Variants in SLC25A13 observed in about 807,000 individuals in gnomAD.
SLC25A13 encodes solute carrier family 25 member 13, also known as electrogenic aspartate/glutamate antiporter SLC25A13, mitochondrial.
In SLC25A13, 70 loss-of-function variants were observed where a neutral mutation model predicts 85.5. The ratio of observed to expected loss-of-function variants is 0.82; its 90% CI spans 0.68 to 1.00. SLC25A13 has a LOEUF of 1.00. SLC25A13 is among the 50% of genes least tolerant of loss of function. SLC25A13 has a pLI of 0.00. For synonymous variants in SLC25A13, 259 were observed against 288.7 expected (o/e 0.90, Z 1.04); for missense variants, 765 against 819.8 (o/e 0.93, Z 0.82).
chr7:96,307,226 T>G (rs1226935487), intron 1 of SLC25A13, among the ~76,000 whole-genome samples: 1 of 152,184 alleles, frequency 6.6e-6, no homozygotes, highest in South Asian at 2.1e-4. Context: ...ATTTAAAAAA[T>G]TTTAAGACAA....
rs539479268 is a variant in SLC25A13, at chr7:96,216,544, T to C, written c.329-7567A>G. ...GTGGATAAAAAAAATGTGGTATATA[T>C]ACACCATGGAGTACTATGCAGCCAT... is the stretch of plus-strand genomic sequence containing the variant. On this transcript the variant is annotated intron_variant, in intron 4 of 17. Coordinates refer to ENST00000265631, the MANE Select transcript of SLC25A13 (RefSeq NM_014251.3). Among the ~76,000 whole-genome samples the C allele has an allele frequency of 3.2e-3, 486 of 152,256 alleles. 3 individuals carry two copies. Among genetic ancestry groups the C allele is most frequent in the African/African-American group, 0.011 (466 of 41,548 alleles).
chr7:96,303,355 G>A (rs4074930), intron 1 of SLC25A13, among the ~76,000 whole-genome samples: 3,291 of 152,082 alleles, frequency 0.022, 77 homozygotes, highest in African/African-American at 0.055. Context: ...GTGTGTGTGT[G>A]GGTGGGTGGG....
intron 3 of SLC25A13, among the ~76,000 whole-genome samples, chr7:96,258,654 G>T (rs1797731309): frequency 6.6e-6 from 1 of 152,090 alleles, no homozygotes; most frequent in South Asian, 2.1e-4. Context: ...GTAATTTATA[G>T]ATTCAATGCT....
At chr7:96,194,442 CAAAAAAAA>C (rs546248549) in intron 5 of SLC25A13, among the ~76,000 whole-genome samples, 11 of 27,696 alleles carry the variant, frequency 4.0e-4, no homozygotes, top group Non-Finnish European at 7.4e-4. Flanking sequence ...AACCTTGTCT[CAAAAAAAA>C]AAAAAAAAAA....
chr7:96,161,278 T>C (rs897905292), intron 13 of SLC25A13, among the ~76,000 whole-genome samples: 5 of 152,294 alleles, frequency 3.3e-5, no homozygotes, highest in Admixed American at 2.0e-4. Context: ...TGGAATACTT[T>C]CTTGTGAAAT....
intron 1 of SLC25A13, among the ~76,000 whole-genome samples, chr7:96,317,531 C>T (rs1800176690): frequency 6.6e-6 from 1 of 151,928 alleles, no homozygotes; most frequent in East Asian, 1.9e-4. Context: ...GCTCTCACCT[C>T]CCAGCCCTTC....
At chr7:96,161,881 T>C (rs1192418469) in intron 13 of SLC25A13, among the ~76,000 whole-genome samples, 4 of 152,172 alleles carry the variant, frequency 2.6e-5, no homozygotes, top group Admixed American at 6.5e-5. Context: ...TTGAAAACAA[T>C]ATAATCACTA....
intron 17 of SLC25A13, 90 bp downstream of exon 17, chr7:96,121,565 T>C: frequency 7.0e-7 from 1 of 1,436,044 alleles, no homozygotes; most frequent in Non-Finnish European, 9.8e-7. Context: ...TTCTATTTTA[T>C]TATAGAGACT....
chr7:96,276,174 C>T (rs73710267), intron 3 of SLC25A13, among the ~76,000 whole-genome samples: 2,056 of 152,282 alleles, frequency 0.014, 42 homozygotes, highest in African/African-American at 0.047. Context: ...AGGTCCTTTA[C>T]AGTTTACCTA....
intron 11 of SLC25A13, among the ~76,000 whole-genome samples, chr7:96,175,415 C>G (rs1279091052): frequency 2.6e-5 from 4 of 152,180 alleles, no homozygotes; most frequent in Non-Finnish European, 5.9e-5. Flanking sequence ...GGGGAGCACT[C>G]GCTATATCCA....
intron 15 of SLC25A13, among the ~76,000 whole-genome samples, chr7:96,123,444 C>CA (rs1283843173): frequency 1.3e-5 from 2 of 152,142 alleles, no homozygotes; most frequent in Admixed American, 6.5e-5. Context: ...CTGTGAAAGA[C>CA]ATACAAGCAA....
chr7:96,128,793 TAATAAAA>T (rs1404863872), intron 15 of SLC25A13, among the ~76,000 whole-genome samples: 1 of 141,794 alleles, frequency 7.1e-6, no homozygotes, highest in Non-Finnish European at 1.5e-5. Flanking sequence ...ATAATAATAA[TAATAAAA>T]GTCAATGCTC....
chr7:96,138,117 T>C (rs189788644), intron 14 of SLC25A13, among the ~76,000 whole-genome samples: 71 of 152,346 alleles, frequency 4.7e-4, no homozygotes, highest in Non-Finnish European at 9.6e-4. Flanking sequence ...CCCTTGTTCT[T>C]AAAAGCAATT....
At chr7:96,265,625 T>C (rs1436992254) in intron 3 of SLC25A13, among the ~76,000 whole-genome samples, 1 of 152,168 alleles carries the variant, frequency 6.6e-6, no homozygotes, top group Non-Finnish European at 1.5e-5. Flanking sequence ...AAATCAATGA[T>C]TTTGACTGCT....
chr7:96,283,819 T>TAAAA (rs1224658803), intron 2 of SLC25A13: 42 of 80,898 alleles, frequency 5.2e-4, no homozygotes, highest in Non-Finnish European at 6.5e-4. Flanking sequence ...AATAGGTGTT[T>TAAAA]AAAAAAAAAA....
intron 14 of SLC25A13, among the ~76,000 whole-genome samples, chr7:96,145,077 A>T (rs1792725987): frequency 6.6e-6 from 1 of 152,194 alleles, no homozygotes; most frequent in African/African-American, 2.4e-5. Flanking sequence ...TGGGTAATAA[A>T]TTGGTAAGCA....
chr7:96,209,803 C>G (rs1208967234), intron 4 of SLC25A13, among the ~76,000 whole-genome samples: 1 of 152,050 alleles, frequency 6.6e-6, no homozygotes, highest in South Asian at 2.1e-4. Flanking sequence ...TTTTAGCCTC[C>G]TCCTCTTGAT....
chr7:96,144,853 T>C (rs1326696723), intron 14 of SLC25A13, among the ~76,000 whole-genome samples: 2 of 152,194 alleles, frequency 1.3e-5, no homozygotes, highest in Non-Finnish European at 2.9e-5. Context: ...GTTCCTACCA[T>C]TTTACTCATC....
At chr7:96,281,118 C>T (rs1031512295) in intron 2 of SLC25A13, among the ~76,000 whole-genome samples, 7 of 152,072 alleles carry the variant, frequency 4.6e-5, no homozygotes, top group Non-Finnish European at 7.4e-5. Flanking sequence ...CAGCTGGGCA[C>T]GGCATCTCAC....
Sources: allele counts gnomAD v4.1 joint callset (sites outside exome capture counted in the v4.1 genomes callset), GRCh38; gene constraint gnomAD v4.1.1; transcripts MANE v1.5; gene names NCBI Gene and HGNC (gene_info 2026-07-23, HGNC 2026-07-21).